GPAM: variants seen among roughly 807,000 people sequenced by gnomAD.
GPAM encodes glycerol-3-phosphate acyltransferase 1, mitochondrial.
Under a neutral mutation model 105.0 loss-of-function variants are expected in GPAM, and 56 were observed. The ratio of observed to expected loss-of-function variants is 0.53; its 90% CI spans 0.43 to 0.67. GPAM has a LOEUF of 0.67. GPAM is among the 30% of genes least tolerant of loss of function. The pLI, the probability that GPAM is intolerant of heterozygous loss-of-function variation, is 0.00. For synonymous variants in GPAM, 368 were observed against 354.4 expected (o/e 1.04, Z -0.43); for missense variants, 855 against 989.8 (o/e 0.86, Z 1.83).
At chr10:112,157,474 C>T in intron 18 of GPAM, 85 bp from the exon 19 acceptor site, 1 of 1,199,908 alleles carries the variant, frequency 8.3e-7, no homozygotes, top group Non-Finnish European at 1.2e-6. Flanking sequence ...AGGCAGTCCT[C>T]TTCTCTGACC....
At chr10:112,211,028 G>T (rs1195309653) in intron 1 of GPAM, among the ~76,000 whole-genome samples, 1 of 152,234 alleles carries the variant, frequency 6.6e-6, no homozygotes, top group Non-Finnish European at 1.5e-5. Context: ...ACGTGCAGGT[G>T]CTTGGAGAGG....
At chr10:112,209,898 C>T (rs748753123) in intron 1 of GPAM, among the ~76,000 whole-genome samples, 1 of 152,252 alleles carries the variant, frequency 6.6e-6, no homozygotes, top group Non-Finnish European at 1.5e-5. Context: ...CACAGCTACA[C>T]TTCCCGCCAG....
chr10:112,176,229 G>T (rs992001535), intron 5 of GPAM, among the ~76,000 whole-genome samples: 1 of 152,254 alleles, frequency 6.6e-6, no homozygotes, highest in South Asian at 2.1e-4. Flanking sequence ...GTTGAAAGAA[G>T]TCAAGCATGA....
At chr10:112,173,210 A>G (rs1453310138) in intron 7 of GPAM, 144 bp from the exon 8 acceptor site, 25 of 687,450 alleles carry the variant, frequency 3.6e-5, no homozygotes, top group Non-Finnish European at 6.6e-5. Context: ...GTGTGTGCAC[A>G]TGCATGCACG....
In GPAM at chr10:112,159,953, G is replaced by A; in HGVS notation, c.1860C>T (p.Ala620=). ...ISQEQLVRKA[A]SLCYLLSNEG... ...CATTGGAGAGAAGGTAGCACAGGCT[G>A]GCCGCCTTCCGCACCAGCTGCTCCT... The change falls in exon 17 of 22, where the codon GCC becomes GCT. Residue 620 remains alanine, a synonymous_variant. Transcript: ENST00000348367. 1 of 1,613,910 alleles carries A rather than the reference G, an allele frequency of 6.2e-7. No homozygotes were observed.
chr10:112,151,836 T>G lies in GPAM; in HGVS notation c.*1714A>C, dbSNP rs1846925621. 1.0e-6 allele frequency: 1 copy of G among 985,150 alleles called. No individual in the cohort carries two copies. Among genetic ancestry groups the G allele is most frequent in the Non-Finnish European group, 1.2e-6 (1 of 829,778 alleles). The allele number at this position is 985,150 out of a possible 1,614,324, so 61.0% of individuals were successfully genotyped here. ...CCAAATGTAGCCAAGAAAAGTGTTCTTCTACCCTAGTCAGTAAAATGGAAT... is the reference window on the plus strand; with the variant it reads ...CCAAATGTAGCCAAGAAAAGTGTTCGTCTACCCTAGTCAGTAAAATGGAAT... On this transcript the variant is annotated 3_prime_UTR_variant, in exon 22 of 22. Transcript: ENST00000348367.
the GPAM span, among the ~76,000 whole-genome samples, chr10:112,221,286 C>T: frequency 8.5e-5 from 13 of 152,154 alleles, 1 homozygote; most frequent in Admixed American, 5.2e-4. Flanking sequence ...CACATACCTA[C>T]CTACTCTTGC....
intron 1 of GPAM, among the ~76,000 whole-genome samples, chr10:112,190,011 T>TATACTC (rs1414771998): frequency 6.6e-6 from 1 of 152,208 alleles, no homozygotes; most frequent in Non-Finnish European, 1.5e-5. Flanking sequence ...ACTGCCTACC[T>TATACTC]ATACTCTGTA....
chr10:112,223,536 T>G, the GPAM span, among the ~76,000 whole-genome samples: 1 of 152,256 alleles, frequency 6.6e-6, no homozygotes, highest in Non-Finnish European at 1.5e-5. Flanking sequence ...TATACAGTGA[T>G]ACCTGGCCTT....
At chr10:112,206,728 G>A (rs1161410842) in intron 1 of GPAM, among the ~76,000 whole-genome samples, 10 of 149,936 alleles carry the variant, frequency 6.7e-5, no homozygotes, top group Non-Finnish European at 1.2e-4. Context: ...TAGATGACAC[G>A]TTAGTGTGTG....
Position 112,152,417 on chromosome 10 carries a change from G to T in GPAM, c.*1133C>A. 1.0e-6 allele frequency: 1 copy of T among 985,312 alleles called. No individual in the cohort carries two copies. Among genetic ancestry groups the T allele is most frequent in the Non-Finnish European group, 1.2e-6 (1 of 829,876 alleles). The allele number at this position is 985,312 out of a possible 1,614,324, so 61.0% of individuals were successfully genotyped here. ...CCATAAAAATTTGTTAAAAGTCATG[G>T]TTTTTCCTCAAAGCTAAAAATCCAT... On this transcript the variant is annotated 3_prime_UTR_variant, in exon 22 of 22. Transcript: ENST00000348367.
chr10:112,167,035 C>T (rs893118293), intron 11 of GPAM, among the ~76,000 whole-genome samples: 2 of 152,048 alleles, frequency 1.3e-5, no homozygotes, highest in African/African-American at 2.4e-5. Flanking sequence ...GGACATATAA[C>T]GGACACAGAC....
At chr10:112,156,420 T>G (rs1847018421) in intron 19 of GPAM, 1 of 307,700 alleles carries the variant, frequency 3.2e-6, no homozygotes, top group Admixed American at 4.6e-5. Context: ...CAACAGTCAC[T>G]CAAGTCTGCA....
intron 1 of GPAM, among the ~76,000 whole-genome samples, chr10:112,203,229 T>C (rs1847819632): frequency 6.6e-6 from 1 of 152,178 alleles, no homozygotes; most frequent in Non-Finnish European, 1.5e-5. Flanking sequence ...TTTAGGAAAG[T>C]ATTAGACAAA....
rs1314628496 is a variant in GPAM at position 112,164,637 on chromosome 10, T to C, written c.1222-27A>G. The C allele has an allele frequency of 5.0e-6, 6 of 1,204,622 alleles. No individual in the cohort carries two copies. The Admixed American group carries it at 5.0e-5, about 10-fold the overall frequency. 74.6% of individuals were successfully genotyped at this position (1,204,622 alleles called of 1,614,324 possible). A position where few individuals can be genotyped will look rare whatever the true frequency, so the allele number is the denominator to read the frequency against. Reference sequence around the variant, plus strand: ...TGGAGAAAAAAACACAACATGATCATTTACCCTCACTTTCGCACCAACATA... The same window carrying C: ...TGGAGAAAAAAACACAACATGATCACTTACCCTCACTTTCGCACCAACATA... On this transcript the variant is annotated intron_variant, in intron 12 of 21. Transcript: ENST00000348367.
In GPAM at chr10:112,175,589, C is replaced by T. The variant is rs1385381550; in HGVS notation, c.413+11G>A. On this transcript the variant is annotated intron_variant, in intron 6 of 21. Coordinates refer to ENST00000348367, the MANE Select transcript of GPAM (RefSeq NM_001244949.2). ...GCCTCTTCCCACCTTTACACCTTGC[C>T]CCGCCCTTACCTACTGCTGTTCAGC... 10 of 1,450,976 alleles carry T rather than the reference C, an allele frequency of 6.9e-6. No individual in the cohort carries two copies. The highest frequency in any genetic ancestry group is 9.7e-6 in the Non-Finnish European group (10 of 1,030,738). The allele number at this position is 1,450,976 out of a possible 1,614,324, so 89.9% of individuals were successfully genotyped here. A position where few individuals can be genotyped will look rare whatever the true frequency, so the allele number is the denominator to read the frequency against.
chr10:112,203,235 A>C (rs1177544433), intron 1 of GPAM, among the ~76,000 whole-genome samples: 5 of 152,244 alleles, frequency 3.3e-5, no homozygotes, highest in Non-Finnish European at 7.3e-5. Flanking sequence ...AAAGTATTAG[A>C]CAAAATATTC....
chr10:112,206,831 T>A (rs1314355158), intron 1 of GPAM, among the ~76,000 whole-genome samples: 87 of 135,454 alleles, frequency 6.4e-4, no homozygotes, highest in Middle Eastern at 3.7e-3. Flanking sequence ...AAAAAAAAAA[T>A]TTAAAAAAAA....
In GPAM at chr10:112,155,850, G is replaced by A; in HGVS notation, c.2311+14C>T. On this transcript the variant is annotated intron_variant, in intron 20 of 21. Transcript: ENST00000348367. ...AAAAAAGATTTTAAAAGAATAAATA[G>A]TGACTTAACATACCATATACTGCAA... The A allele has an allele frequency of 7.4e-7, 1 of 1,358,654 alleles. No homozygotes were observed. The highest frequency in any genetic ancestry group is 1.0e-6 in the Non-Finnish European group (1 of 954,078). The allele number at this position is 1,358,654 out of a possible 1,614,324, so 84.2% of individuals were successfully genotyped here. A position where few individuals can be genotyped will look rare whatever the true frequency, so the allele number is the denominator to read the frequency against.
Sources: allele counts gnomAD v4.1 joint callset (sites outside exome capture counted in the v4.1 genomes callset), GRCh38; gene constraint gnomAD v4.1.1; transcripts MANE v1.5; gene names NCBI Gene and HGNC (gene_info 2026-07-23, HGNC 2026-07-21).